MGAT4C: variants seen among roughly 807,000 people sequenced by gnomAD.
The protein encoded by MGAT4C is MGAT4 family member C, also known as alpha-1,3-mannosyl-glycoprotein 4-beta-N-acetylglucosaminyltransferase C.
Under a neutral mutation model 40.1 loss-of-function variants are expected in MGAT4C, and 19 were observed. The ratio of observed to expected loss-of-function variants is 0.47; its 90% CI spans 0.33 to 0.70. The LOEUF (loss-of-function observed/expected upper bound fraction) is 0.70, where lower values mean the gene tolerates loss of function less well. Among genes scored for constraint, MGAT4C ranks in the 30% least tolerant of loss-of-function variants. The probability of loss-of-function intolerance (pLI) is 0.02; values close to 1 mark genes in which losing one functional copy is unlikely to be tolerated. For synonymous variants in MGAT4C, 181 were observed against 187.1 expected, an observed-to-expected ratio of 0.97 and a Z score of 0.27; for missense variants, 491 against 563.2, an observed-to-expected ratio of 0.87 and a Z score of 1.30.
intron 1 of MGAT4C, among the ~76,000 whole-genome samples, chr12:86,792,089 T>A (rs1565993402): frequency 1.3e-5 from 2 of 152,068 alleles, no homozygotes. Flanking sequence ...TCAAACCTAA[T>A]GAAGGCACTA....
chr12:86,210,586 T>G lies in MGAT4C; in HGVS notation c.-57+45653A>C, dbSNP rs1293525823. Reference sequence around the variant, plus strand: ...TTCCAATTAGAAATCAGTAAAGTTATCTAGAAGCACTTATGAAAGAGTTTC... The same window carrying G: ...TTCCAATTAGAAATCAGTAAAGTTAGCTAGAAGCACTTATGAAAGAGTTTC... On this transcript the variant is annotated intron_variant, in intron 1 of 4. Coordinates refer to ENST00000611864, the MANE Select transcript of MGAT4C (RefSeq NM_001351288.2). Among the ~76,000 whole-genome samples the G allele has an allele frequency of 4.6e-5, 7 of 152,340 alleles. 1 individual carries two copies. In the East Asian group the frequency reaches 1.3e-3, roughly 29 times the overall value.
At chr12:86,602,289 G>T (rs1262083700) in intron 2 of MGAT4C, among the ~76,000 whole-genome samples, 2 of 152,160 alleles carry the variant, frequency 1.3e-5, no homozygotes, top group Non-Finnish European at 2.9e-5. Context: ...AGTGGCCACA[G>T]AGGTTTGTGG....
intron 4 of MGAT4C, among the ~76,000 whole-genome samples, chr12:86,295,238 CTCT>C (rs1370732401): frequency 6.6e-6 from 1 of 152,048 alleles, no homozygotes; most frequent in Non-Finnish European, 1.5e-5. Context: ...CCTTAGTATT[CTCT>C]TAAAATTCGA....
chr12:86,615,535 A>C (rs565911589), intron 2 of MGAT4C, among the ~76,000 whole-genome samples: 1 of 152,170 alleles, frequency 6.6e-6, no homozygotes, highest in African/African-American at 2.4e-5. Context: ...ATATTTTGTT[A>C]AGAAAAAAAC....
chr12:86,713,800 T>C (rs1346666329), intron 2 of MGAT4C, among the ~76,000 whole-genome samples: 5 of 152,052 alleles, frequency 3.3e-5, no homozygotes, highest in Non-Finnish European at 7.4e-5. Context: ...TCCCATAGCT[T>C]GAAAGTGAAG....
intron 2 of MGAT4C, among the ~76,000 whole-genome samples, chr12:86,698,341 T>C (rs1391320129): frequency 2.0e-5 from 3 of 151,968 alleles, no homozygotes; most frequent in African/African-American, 7.2e-5. Context: ...TTTTAAAAAA[T>C]TGTGTTTGTG....
chr12:86,734,543 A>G (rs1031258710), intron 1 of MGAT4C, among the ~76,000 whole-genome samples: 10 of 152,014 alleles, frequency 6.6e-5, no homozygotes, highest in African/African-American at 2.4e-4. Context: ...TTGATAAGTG[A>G]TTATGTCTTC....
intron 2 of MGAT4C, among the ~76,000 whole-genome samples, chr12:86,551,840 C>G (rs1959378636): frequency 6.6e-6 from 1 of 152,104 alleles, no homozygotes; most frequent in African/African-American, 2.4e-5. Context: ...TGGATTACAT[C>G]TGAAGAAACT....
chr12:86,613,605 A>G (rs1341965091), intron 2 of MGAT4C, among the ~76,000 whole-genome samples: 3 of 152,182 alleles, frequency 2.0e-5, no homozygotes, highest in African/African-American at 7.2e-5. Flanking sequence ...TTTTTAAAGT[A>G]TGTACTTAAA....
rs1882938820 is a variant in MGAT4C, at chr12:85,958,492, T to C, written c.*20797A>G. 6.6e-6 allele frequency: 1 copy of C among 152,162 alleles called. No homozygotes were observed. The highest frequency in any genetic ancestry group is 2.1e-4 in the South Asian group (1 of 4,828). The allele number at this position is 152,162 out of a possible 1,614,324, so 9.4% of individuals were successfully genotyped here. A position where few individuals can be genotyped will look rare whatever the true frequency, so the allele number is the denominator to read the frequency against. ...ATATAAATTATCATAATACTTTACATTGAGTCTCTATGGTTGACTATATGC... is the reference window on the plus strand; with the variant it reads ...ATATAAATTATCATAATACTTTACACTGAGTCTCTATGGTTGACTATATGC... On this transcript the variant is annotated 3_prime_UTR_variant, in exon 5 of 5. Transcript: ENST00000611864.
chr12:86,607,658 A>C (rs1962089673), intron 2 of MGAT4C, among the ~76,000 whole-genome samples: 2 of 152,182 alleles, frequency 1.3e-5, no homozygotes, highest in African/African-American at 4.8e-5. Flanking sequence ...TACACAAATA[A>C]TACATTTTAA....
Position 86,596,232 on chromosome 12 carries a change from G to A in MGAT4C, c.-229+130977C>T, listed in dbSNP as rs570789363. 5.9e-5 allele frequency among the ~76,000 whole-genome samples: 9 copies of A among 151,642 alleles called. No individual in the cohort carries two copies. In the South Asian group the frequency reaches 1.7e-3, roughly 28 times the overall value. On this transcript the variant is annotated intron_variant, in intron 2 of 7. Transcript: ENST00000548651. ...ATAAATAAATAAATAAATAAAACAA[G>A]TACCAACTCTTGCTCAATCATGAAT...
intron 1 of MGAT4C, among the ~76,000 whole-genome samples, chr12:86,226,277 C>T (rs1463349595): frequency 2.6e-5 from 4 of 151,784 alleles, no homozygotes; most frequent in Admixed American, 2.6e-4. Context: ...ACATAGCTCC[C>T]CTATCAGAAC....
intron 2 of MGAT4C, among the ~76,000 whole-genome samples, chr12:86,701,370 G>C (rs1009702893): frequency 6.6e-6 from 1 of 151,360 alleles, no homozygotes; most frequent in Non-Finnish European, 1.5e-5. Context: ...CAACTTTTTT[G>C]TTATTATTAT....
intron 1 of MGAT4C, among the ~76,000 whole-genome samples, chr12:86,757,298 T>C (rs1014029407): frequency 1.1e-4 from 17 of 152,110 alleles, no homozygotes; most frequent in African/African-American, 4.1e-4. Flanking sequence ...CAAACCATCA[T>C]GCCACGTGTA....
intron 2 of MGAT4C, among the ~76,000 whole-genome samples, chr12:86,502,551 A>G (rs1051620009): frequency 6.6e-6 from 1 of 151,604 alleles, no homozygotes. Context: ...TGTAACAAGC[A>G]TATGACATAT....
In MGAT4C at chr12:86,808,779, C is replaced by T. The variant is rs1325494813; in HGVS notation, c.-262+29887G>A. Among the ~76,000 whole-genome samples, 4 of 151,950 alleles carry T rather than the reference C, an allele frequency of 2.6e-5. No homozygotes were observed. The South Asian group carries it at 6.2e-4, about 24-fold the overall frequency. ...ATAGCATTGGAAGTTTTGTCCAGCACAATCAAGCAATAGAAAGAAATAAAA... is the reference window on the plus strand; with the variant it reads ...ATAGCATTGGAAGTTTTGTCCAGCATAATCAAGCAATAGAAAGAAATAAAA... On this transcript the variant is annotated intron_variant, in intron 1 of 7. Coordinates refer to the MGAT4C transcript ENST00000548651.
At chr12:86,109,521 A>G (rs1876837212) in intron 1 of MGAT4C, among the ~76,000 whole-genome samples, 1 of 152,078 alleles carries the variant, frequency 6.6e-6, no homozygotes, top group Admixed American at 6.6e-5. Flanking sequence ...ATATCTAATT[A>G]TATAGATTAG....
chr12:86,735,109 T>C (rs1195084268), intron 1 of MGAT4C, among the ~76,000 whole-genome samples: 1 of 152,024 alleles, frequency 6.6e-6, no homozygotes, highest in East Asian at 1.9e-4. Context: ...TGCTTTGCTA[T>C]TCAGGGATTT....
Sources: allele counts gnomAD v4.1 joint callset (sites outside exome capture counted in the v4.1 genomes callset), GRCh38; gene constraint gnomAD v4.1.1; transcripts MANE v1.5; gene names NCBI Gene and HGNC (gene_info 2026-07-23, HGNC 2026-07-21).